KCNIP4: variants seen among roughly 807,000 people sequenced by gnomAD.
The protein encoded by KCNIP4 is potassium voltage-gated channel interacting protein 4.
KCNIP4 carries 12 observed loss-of-function variants against 34.0 expected under a neutral mutation model. The ratio of observed to expected loss-of-function variants is 0.35; its 90% confidence interval spans 0.23 to 0.57. The LOEUF (loss-of-function observed/expected upper bound fraction) is 0.57. Ranked by LOEUF, KCNIP4 falls within the 20% of genes least tolerant of loss-of-function variation. The probability of loss-of-function intolerance (pLI) is 0.83; values close to 1 mark genes in which losing one functional copy is unlikely to be tolerated. For synonymous variants in KCNIP4, 124 were observed against 102.2 expected, an observed-to-expected ratio of 1.21 and a Z score of -1.29; for missense variants, 238 against 311.7, an observed-to-expected ratio of 0.76 and a Z score of 1.78.
At chr4:21,646,142 C>G (rs1229256998) in intron 1 of KCNIP4, among the ~76,000 whole-genome samples, 1 of 152,130 alleles carries the variant, frequency 6.6e-6, no homozygotes, top group Non-Finnish European at 1.5e-5. Flanking sequence ...ATTTCTCCAA[C>G]AAGATATTAA....
intron 1 of KCNIP4, among the ~76,000 whole-genome samples, chr4:20,893,348 A>G (rs967486232): frequency 3.3e-5 from 5 of 152,146 alleles, no homozygotes; most frequent in African/African-American, 4.8e-5. Flanking sequence ...GTTCAGGGAG[A>G]ACTCATTTGA....
chr4:21,779,909 C>T (rs1400351828), intron 1 of KCNIP4, among the ~76,000 whole-genome samples: 3 of 138,710 alleles, frequency 2.2e-5, no homozygotes, highest in Non-Finnish European at 3.1e-5. Context: ...CTAGCCTAAG[C>T]AATAGAGTAA....
At chr4:21,806,234 T>G (rs1721284656) in intron 1 of KCNIP4, among the ~76,000 whole-genome samples, 2 of 152,196 alleles carry the variant, frequency 1.3e-5, no homozygotes, top group African/African-American at 2.4e-5. Context: ...ATAAAATACA[T>G]ACATTGTGTC....
At chr4:20,772,898 T>G (rs540894420) in intron 3 of KCNIP4, among the ~76,000 whole-genome samples, 3 of 152,212 alleles carry the variant, frequency 2.0e-5, no homozygotes, top group African/African-American at 7.2e-5. Context: ...CCTCTCAAAG[T>G]GCTGGCATTA....
chr4:21,142,646 G>T (rs1752059423), intron 1 of KCNIP4, among the ~76,000 whole-genome samples: 1 of 152,110 alleles, frequency 6.6e-6, no homozygotes, highest in Admixed American at 6.6e-5. Context: ...CTTCCTATGT[G>T]TCTCCCGCCC....
At chr4:21,510,129 A>G (rs1272738201) in intron 1 of KCNIP4, among the ~76,000 whole-genome samples, 1 of 151,162 alleles carries the variant, frequency 6.6e-6, no homozygotes, top group Non-Finnish European at 1.5e-5. Flanking sequence ...ATCATGTAAA[A>G]TTGCAGCATT....
chr4:20,729,233 T>G lies in KCNIP4; in HGVS notation c.*849A>C, dbSNP rs1354924943. 6.6e-6 allele frequency: 1 copy of G among 152,106 alleles called. No individual in the cohort carries two copies. The highest frequency in any genetic ancestry group is 1.5e-5 in the Non-Finnish European group (1 of 68,022). 9.4% of individuals were successfully genotyped at this position (152,106 alleles called of 1,614,324 possible). A position where few individuals can be genotyped will look rare whatever the true frequency, so the allele number is the denominator to read the frequency against. ...CTTGTTATTAAGCATTACTATATAC[T>G]GGAGGATAGATATCCTGACCCTTTG... is the stretch of plus-strand genomic sequence containing the variant. On this transcript the variant is annotated 3_prime_UTR_variant, in exon 9 of 9. Transcript: ENST00000382152.
At chr4:21,144,626 C>T (rs1310477536) in intron 1 of KCNIP4, among the ~76,000 whole-genome samples, 1 of 152,144 alleles carries the variant, frequency 6.6e-6, no homozygotes, top group African/African-American at 2.4e-5. Context: ...CTACTACTTC[C>T]GTTGTTCCAT....
chr4:21,718,527 T>G (rs1560661012), intron 1 of KCNIP4: 1 of 152,294 alleles, frequency 6.6e-6, no homozygotes, highest in East Asian at 1.9e-4. Flanking sequence ...GGTAAATAAA[T>G]GTATGCCAGG....
intron 1 of KCNIP4, among the ~76,000 whole-genome samples, chr4:21,601,351 C>T (rs1162590275): frequency 6.6e-6 from 1 of 152,018 alleles, no homozygotes; most frequent in African/African-American, 2.4e-5. Context: ...TAATCTCCAT[C>T]TCATTCCATG....
intron 1 of KCNIP4, among the ~76,000 whole-genome samples, chr4:20,968,432 T>C (rs927854681): frequency 5.9e-5 from 9 of 152,158 alleles, no homozygotes; most frequent in Non-Finnish European, 1.2e-4. Context: ...ACTAGGTATA[T>C]ACCCAAAGGA....
chr4:21,171,778 G>A (rs1377115184), intron 1 of KCNIP4, among the ~76,000 whole-genome samples: 3 of 152,156 alleles, frequency 2.0e-5, no homozygotes, highest in Non-Finnish European at 2.9e-5. Context: ...ACATGTGTGT[G>A]AGATCTTAGT....
chr4:21,519,547 CAT>C lies in KCNIP4; in HGVS notation c.61+429022_61+429023del, dbSNP rs796482350. On this transcript the variant is annotated intron_variant, in intron 1 of 8. Coordinates refer to ENST00000382152, the MANE Select transcript of KCNIP4 (RefSeq NM_025221.6). Reference sequence around the variant, plus strand: ...GTGTGTATGTGTATGTGTATATACACATATGTGTGTATGTGTATATATACACA... The same window carrying C: ...GTGTGTATGTGTATGTGTATATACACATGTGTGTATGTGTATATATACACA... Among the ~76,000 whole-genome samples, 15 of 45,892 alleles carry C rather than the reference CAT, an allele frequency of 3.3e-4. 1 individual carries two copies. The highest frequency in any genetic ancestry group is 5.0e-4 in the African/African-American group (7 of 14,138). The allele number at this position is 45,892 out of a possible 152,430, so 30.1% of individuals were successfully genotyped here.
intron 3 of KCNIP4, among the ~76,000 whole-genome samples, chr4:20,847,258 G>T (rs1011288367): frequency 6.6e-6 from 1 of 152,088 alleles, no homozygotes; most frequent in Non-Finnish European, 1.5e-5. Context: ...TGAGTCAGAG[G>T]GAACTGCCCA....
intron 1 of KCNIP4, among the ~76,000 whole-genome samples, chr4:21,255,472 T>C (rs1761003330): frequency 6.6e-6 from 1 of 152,160 alleles, no homozygotes; most frequent in South Asian, 2.1e-4. Flanking sequence ...CATTTGTCAA[T>C]GTTCAGTTCC....
At position 21,944,551 on chromosome 4, in the gene KCNIP4, C is replaced by T. The variant is rs560504266; in HGVS notation, c.61+4020G>A. The stretch of plus-strand genomic sequence containing the variant: ...CACCCTGGGCAACAGAATGAGACTC[C>T]GTCTCAAAAAAAAAAAAAAAAAAAA... On this transcript the variant is annotated intron_variant, in intron 1 of 8. Coordinates refer to ENST00000382152, the MANE Select transcript of KCNIP4 (RefSeq NM_025221.6). 8.7e-3 allele frequency among the ~76,000 whole-genome samples: 779 copies of T among 89,100 alleles called. 8 individuals are homozygous for T. Among genetic ancestry groups the T allele is most frequent in the African/African-American group, 0.033 (698 of 21,074 alleles). 58.5% of individuals were successfully genotyped at this position (89,100 alleles called of 152,430 possible). A position where few individuals can be genotyped will look rare whatever the true frequency, so the allele number is the denominator to read the frequency against.
chr4:21,479,769 C>T (rs550576423), intron 1 of KCNIP4, among the ~76,000 whole-genome samples: 44 of 151,634 alleles, frequency 2.9e-4, no homozygotes, highest in African/African-American at 9.4e-4. Context: ...AAAATATGCA[C>T]AAAATAAATA....
chr4:21,576,454 T>A (rs959904098), intron 1 of KCNIP4, among the ~76,000 whole-genome samples: 4 of 152,138 alleles, frequency 2.6e-5, no homozygotes, highest in Non-Finnish European at 5.9e-5. Flanking sequence ...TGAAAAAAAA[T>A]CTAAATTTTC....
intron 1 of KCNIP4, among the ~76,000 whole-genome samples, chr4:21,440,378 A>C (rs1366733359): frequency 6.6e-6 from 1 of 152,226 alleles, no homozygotes; most frequent in Non-Finnish European, 1.5e-5. Flanking sequence ...GAAGTATCAA[A>C]AGCTATCAAT....
Sources: gnomAD v4.1 joint callset for allele counts (sites outside exome capture counted in the v4.1 genomes callset) on GRCh38, gnomAD v4.1.1 for gene constraint, MANE v1.5 for transcripts, NCBI Gene and HGNC (gene_info 2026-07-23, HGNC 2026-07-21) for gene names.